TTC39B: variants seen among roughly 807,000 people sequenced by gnomAD.
The protein encoded by TTC39B is tetratricopeptide repeat domain 39B.
TTC39B carries 92 observed loss-of-function variants against 96.6 expected under a neutral mutation model. That is an observed-to-expected ratio of 0.95 (90% CI 0.80 to 1.13). The LOEUF (loss-of-function observed/expected upper bound fraction) is 1.13, where lower values mean the gene tolerates loss of function less well. Among genes scored for constraint, TTC39B ranks in the 50% most tolerant of loss-of-function variants. The pLI is 0.00. For synonymous variants in TTC39B, 367 were observed against 299.4 expected, an observed-to-expected ratio of 1.23 and a Z score of -2.33; for missense variants, 955 against 809.3, an observed-to-expected ratio of 1.18 and a Z score of -2.18.
At chr9:15,189,445 AT>A (rs957161209) in intron 13 of TTC39B, 128 bp downstream of exon 13, 4 of 902,144 alleles carry the variant, frequency 4.4e-6, no homozygotes, top group Non-Finnish European at 6.6e-6. Context: ...TTACTTATAT[AT>A]TTTTTTCTTT....
chr9:15,171,908 A>C (rs537909451), exon 20 of TTC39B: 3 of 730,352 alleles, frequency 4.1e-6, no homozygotes, highest in Non-Finnish European at 6.4e-6. Flanking sequence ...GACCAAAAAA[A>C]CTGTTTTTTT....
rs1215575223 is a variant in TTC39B at position 15,261,802 on chromosome 9, G to A, written c.275+6112C>T. Among the ~76,000 whole-genome samples the A allele has an allele frequency of 3.3e-5, 5 of 152,204 alleles. No homozygotes were observed. The South Asian group carries it at 1.0e-3, about 32-fold the overall frequency. The stretch of plus-strand genomic sequence containing the variant: ...AAAACACAATATTTACTCTTCACAT[G>A]CCATATCACAGTTAATTATCAACAG... On this transcript the variant is annotated intron_variant, in intron 2 of 19. Coordinates refer to ENST00000512701, the Ensembl canonical transcript of TTC39B.
chr9:15,239,162 A>C (rs1028487787), intron 2 of TTC39B, among the ~76,000 whole-genome samples: 1 of 152,230 alleles, frequency 6.6e-6, no homozygotes, highest in East Asian at 1.9e-4. Context: ...ATGAAAAAAA[A>C]AATGCTCAAC....
chr9:15,191,832 G>A (rs539452243), intron 9 of TTC39B, among the ~76,000 whole-genome samples: 1 of 152,186 alleles, frequency 6.6e-6, no homozygotes, highest in Non-Finnish European at 1.5e-5. Flanking sequence ...AAGGGCAGGG[G>A]CTTAGAAGGA....
chr9:15,212,483 T>C (rs867655198), intron 4 of TTC39B, among the ~76,000 whole-genome samples: 9 of 152,208 alleles, frequency 5.9e-5, no homozygotes, highest in African/African-American at 2.2e-4. Context: ...TGAAGTACAA[T>C]GGCACAATCT....
At chr9:15,208,068 C>T (rs1424383529) in intron 6 of TTC39B, among the ~76,000 whole-genome samples, 1 of 150,492 alleles carries the variant, frequency 6.6e-6, no homozygotes, top group Non-Finnish European at 1.5e-5. Context: ...ATTACTCTGT[C>T]ACCCAGGCAG....
At chr9:15,262,013 C>A (rs1341013356) in intron 2 of TTC39B, among the ~76,000 whole-genome samples, 1 of 152,190 alleles carries the variant, frequency 6.6e-6, no homozygotes, top group Non-Finnish European at 1.5e-5. Context: ...TATCATGCAA[C>A]AGGTCCTTAA....
At chr9:15,225,894 G>A (rs1382063314) in intron 3 of TTC39B, 23 bp downstream of exon 3, 6 of 1,606,650 alleles carry the variant, frequency 3.7e-6, no homozygotes, top group African/African-American at 1.3e-5. Context: ...CTTCCCCCAG[G>A]AATGCCCACA....
chr9:15,265,466 T>C (rs1206118323), intron 2 of TTC39B, among the ~76,000 whole-genome samples: 1 of 152,176 alleles, frequency 6.6e-6, no homozygotes, highest in Non-Finnish European at 1.5e-5. Context: ...GCCTGATCCT[T>C]TTCCATCCCC....
At chr9:15,241,983 T>G (rs1461096082) in intron 2 of TTC39B, among the ~76,000 whole-genome samples, 3 of 152,132 alleles carry the variant, frequency 2.0e-5, no homozygotes, top group African/African-American at 7.2e-5. Flanking sequence ...TGACCTCAGT[T>G]GATCCACCTG....
chr9:15,297,077 C>A (rs535394987), intron 1 of TTC39B, among the ~76,000 whole-genome samples: 3 of 152,324 alleles, frequency 2.0e-5, no homozygotes, highest in Admixed American at 2.0e-4. Context: ...GGCTGGAACA[C>A]ACTCACAGCA....
At chr9:15,203,364 C>A (rs1481155518) in intron 7 of TTC39B, among the ~76,000 whole-genome samples, 1 of 152,102 alleles carries the variant, frequency 6.6e-6, no homozygotes, top group Non-Finnish European at 1.5e-5. Context: ...GATTTTCCTG[C>A]CTCAGCCTCC....
chr9:15,306,351 G>A lies in TTC39B; in HGVS notation c.240+733C>T, dbSNP rs1049318364. ...GCTCAGGCCCGGGCGCGCCACGACTGAAGGAGTGGCTAATTACTCAAACAC... is the reference window on the plus strand; with the variant it reads ...GCTCAGGCCCGGGCGCGCCACGACTAAAGGAGTGGCTAATTACTCAAACAC... On this transcript the variant is annotated intron_variant, in intron 1 of 19. Coordinates refer to ENST00000512701, the Ensembl canonical transcript of TTC39B. This position sits in a 1 kb window ranked among gnomAD's most constrained non-coding sequence, Gnocchi z 5.1. 5.3e-5 allele frequency among the ~76,000 whole-genome samples: 8 copies of A among 152,348 alleles called. No individual in the cohort carries two copies. The highest frequency in any genetic ancestry group is 1.9e-4 in the African/African-American group (8 of 41,592).
chr9:15,277,892 T>C (rs887206479), intron 1 of TTC39B, among the ~76,000 whole-genome samples: 1 of 152,314 alleles, frequency 6.6e-6, no homozygotes, highest in Admixed American at 6.5e-5. Flanking sequence ...AGCTAGCTAG[T>C]GTTAAATGCC....
intron 2 of TTC39B, among the ~76,000 whole-genome samples, chr9:15,243,784 C>G (rs747816971): frequency 2.0e-5 from 3 of 152,182 alleles, no homozygotes; most frequent in Non-Finnish European, 4.4e-5. Context: ...GTGGCATACA[C>G]CTGCAGTCTT....
intron 1 of TTC39B, among the ~76,000 whole-genome samples, chr9:15,293,922 G>C (rs1201828935): frequency 2.6e-5 from 4 of 152,120 alleles, no homozygotes; most frequent in Non-Finnish European, 5.9e-5. Context: ...CCTCACTTCC[G>C]TTTTCTGCAC....
intron 2 of TTC39B, among the ~76,000 whole-genome samples, chr9:15,233,807 C>G (rs1403235912): frequency 1.3e-5 from 2 of 152,066 alleles, no homozygotes; most frequent in African/African-American, 2.4e-5. Context: ...GCGTCTCTGC[C>G]TGGCCGCCCA....
intron 1 of TTC39B, among the ~76,000 whole-genome samples, chr9:15,281,026 G>C (rs1313316660): frequency 6.7e-6 from 1 of 150,370 alleles, no homozygotes; most frequent in Non-Finnish European, 1.5e-5. Flanking sequence ...TTTCTTTTTT[G>C]TCTTTTTTTT....
chr9:15,242,366 G>C (rs1485595067), intron 2 of TTC39B, among the ~76,000 whole-genome samples: 2 of 152,160 alleles, frequency 1.3e-5, no homozygotes, highest in African/African-American at 4.8e-5. Flanking sequence ...CGGATCACTT[G>C]AGTCCAGGAG....
Sources: allele counts gnomAD v4.1 joint callset (sites outside exome capture counted in the v4.1 genomes callset), GRCh38; gene constraint gnomAD v4.1.1; non-coding constraint Gnocchi (gnomAD v3.1); transcripts MANE v1.5; gene names NCBI Gene and HGNC (gene_info 2026-07-23, HGNC 2026-07-21).